Variants in NEGR1 observed in about 807,000 individuals in gnomAD.
NEGR1 encodes the protein neuronal growth regulator 1.
In NEGR1, 10 loss-of-function variants were observed where a neutral mutation model predicts 40.9. The ratio of observed to expected loss-of-function variants is 0.24; its 90% CI spans 0.15 to 0.42. The LOEUF is 0.42. Among genes scored for constraint, NEGR1 ranks in the 10% least tolerant of loss-of-function variants. The pLI is 1.00. For synonymous variants in NEGR1, 185 were observed against 166.8 expected (o/e 1.11, Z -0.84); for missense variants, 352 against 438.9 (o/e 0.80, Z 1.77).
intron 1 of NEGR1, among the ~76,000 whole-genome samples, chr1:71,938,028 A>T (rs940335987): frequency 1.3e-5 from 2 of 152,062 alleles, no homozygotes; most frequent in African/African-American, 4.8e-5. Context: ...GAAAAAAGGG[A>T]TCATTTATGT....
At position 71,727,266 on chromosome 1, in the gene NEGR1, AG is replaced by A. The variant is rs1249502257; in HGVS notation, c.536-29128del. On this transcript the variant is annotated intron_variant, in intron 3 of 6. Transcript: ENST00000357731. The stretch of plus-strand genomic sequence containing the variant: ...ATACTTTTTGATGTTAAAAATGTTA[AG>A]GTGATTTCTAAGTGTGCATAATTTT... Among the ~76,000 whole-genome samples the A allele has an allele frequency of 3.3e-5, 5 of 152,250 alleles. No homozygotes were observed. In the East Asian group the frequency reaches 9.7e-4, roughly 29 times the overall value.
intron 1 of NEGR1, among the ~76,000 whole-genome samples, chr1:72,097,179 T>C (rs556501130): frequency 1.3e-5 from 2 of 152,312 alleles, no homozygotes; most frequent in Non-Finnish European, 2.9e-5. Flanking sequence ...GAGGCTGGGT[T>C]TGAAACCCAC....
chr1:71,652,247 CATG>C (rs1274881667), intron 4 of NEGR1, among the ~76,000 whole-genome samples: 1 of 152,172 alleles, frequency 6.6e-6, no homozygotes, highest in African/African-American at 2.4e-5. Flanking sequence ...CAATTATTTG[CATG>C]ATGTCATAAT....
chr1:72,159,919 T>C (rs894611872), intron 1 of NEGR1, among the ~76,000 whole-genome samples: 3 of 152,114 alleles, frequency 2.0e-5, no homozygotes, highest in Admixed American at 2.0e-4. Flanking sequence ...TTAAGGTGTA[T>C]TATAACAGTT....
intron 6 of NEGR1, among the ~76,000 whole-genome samples, chr1:71,459,195 A>G (rs1048314768): frequency 2.0e-5 from 3 of 152,164 alleles, no homozygotes; most frequent in African/African-American, 2.4e-5. Context: ...TTTTCTTCCA[A>G]TAACAGCTAA....
intron 1 of NEGR1, among the ~76,000 whole-genome samples, chr1:72,161,015 G>A (rs765352766): frequency 6.6e-6 from 1 of 152,130 alleles, no homozygotes; most frequent in Non-Finnish European, 1.5e-5. Flanking sequence ...GGGGCAATTA[G>A]GTGGATTCTT....
chr1:71,555,961 T>A (rs1394814538), intron 6 of NEGR1, among the ~76,000 whole-genome samples: 2 of 151,386 alleles, frequency 1.3e-5, no homozygotes, highest in Non-Finnish European at 3.0e-5. Flanking sequence ...AGCTAGTAAA[T>A]TTAGTAAAAT....
chr1:71,468,040 AAGT>A (rs1198257565), intron 6 of NEGR1, among the ~76,000 whole-genome samples: 1 of 152,028 alleles, frequency 6.6e-6, no homozygotes, highest in Non-Finnish European at 1.5e-5. Context: ...AGGCAGATAA[AAGT>A]AGATTCAAAT....
chr1:72,206,336 C>T (rs890451494), intron 1 of NEGR1, among the ~76,000 whole-genome samples: 2 of 151,960 alleles, frequency 1.3e-5, no homozygotes, highest in East Asian at 1.9e-4. Flanking sequence ...ATAACTTTAA[C>T]ATTTATGAAA....
chr1:72,270,150 G>A (rs941060272), intron 1 of NEGR1, among the ~76,000 whole-genome samples: 1 of 151,762 alleles, frequency 6.6e-6, no homozygotes, highest in Non-Finnish European at 1.5e-5. Flanking sequence ...ACCTTCCCTT[G>A]CCAAACTACT....
intron 1 of NEGR1, among the ~76,000 whole-genome samples, chr1:72,105,114 ATAGT>A (rs1459836671): frequency 9.2e-5 from 14 of 152,098 alleles, no homozygotes; most frequent in East Asian, 1.9e-4. Flanking sequence ...TTTCATCACA[ATAGT>A]TAAAGACAAT....
intron 3 of NEGR1, among the ~76,000 whole-genome samples, chr1:71,723,529 C>T (rs1364515480): frequency 6.6e-6 from 1 of 152,030 alleles, no homozygotes; most frequent in Non-Finnish European, 1.5e-5. Context: ...AACCCCCTAT[C>T]CAACAGGGCT....
rs549637552 is a variant in NEGR1 at position 71,587,933 on chromosome 1, T to C, written c.940+4884A>G. On this transcript the variant is annotated intron_variant, in intron 6 of 6. Coordinates refer to ENST00000357731, the MANE Select transcript of NEGR1 (RefSeq NM_173808.3). The stretch of plus-strand genomic sequence containing the variant: ...TATTAAACTAAGGCTGTGTAAATTC[T>C]AAGCACTTTGCTTATGCAGCTTTCT... Among the ~76,000 whole-genome samples, 200 of 152,298 alleles carry C rather than the reference T, an allele frequency of 1.3e-3. 1 individual carries two copies. The highest frequency in any genetic ancestry group is 4.5e-3 in the African/African-American group (189 of 41,574).
chr1:72,092,098 T>A (rs1489499109), intron 1 of NEGR1, among the ~76,000 whole-genome samples: 3 of 152,078 alleles, frequency 2.0e-5, no homozygotes, highest in Non-Finnish European at 4.4e-5. Context: ...AGACATTGAA[T>A]CAGTGTAAGT....
intron 2 of NEGR1, among the ~76,000 whole-genome samples, chr1:71,785,060 T>G (rs1396059586): frequency 6.6e-6 from 1 of 152,192 alleles, no homozygotes; most frequent in African/African-American, 2.4e-5. Flanking sequence ...TGCACATGAG[T>G]GTTTATACAC....
At chr1:71,630,625 T>C (rs774080664) in intron 4 of NEGR1, among the ~76,000 whole-genome samples, 18 of 151,774 alleles carry the variant, frequency 1.2e-4, no homozygotes, top group Non-Finnish European at 2.4e-4. Context: ...TATCAAATAA[T>C]TTTTTATGTG....
At chr1:72,189,136 T>C (rs983075687) in intron 1 of NEGR1, among the ~76,000 whole-genome samples, 1 of 151,644 alleles carries the variant, frequency 6.6e-6, no homozygotes, top group African/African-American at 2.4e-5. Context: ...AATGATAAAT[T>C]GCACTTTTGG....
intron 2 of NEGR1, among the ~76,000 whole-genome samples, chr1:71,904,571 T>C (rs1429725661): frequency 1.3e-5 from 2 of 152,126 alleles, no homozygotes; most frequent in African/African-American, 4.8e-5. Flanking sequence ...TTGGCAAAAT[T>C]AGAAATCTCT....
chr1:71,740,969 C>T (rs898249330), intron 3 of NEGR1, among the ~76,000 whole-genome samples: 2 of 152,122 alleles, frequency 1.3e-5, no homozygotes, highest in African/African-American at 2.4e-5. Flanking sequence ...GGAGTGAAAG[C>T]GACACCCTGC....
Sources: gnomAD v4.1 joint callset for allele counts (sites outside exome capture counted in the v4.1 genomes callset) on GRCh38, gnomAD v4.1.1 for gene constraint, MANE v1.5 for transcripts, NCBI Gene and HGNC (gene_info 2026-07-23, HGNC 2026-07-21) for gene names.